The following CEP63 variants were observed in gnomAD, a reference collection of about 807,000 sequenced individuals.
CEP63 encodes centrosomal protein 63.
A neutral mutation model predicts 89.1 loss-of-function variants in CEP63; 84 were observed. The observed-to-expected ratio is 0.94, with a 90% CI of 0.79 to 1.13. The LOEUF (loss-of-function observed/expected upper bound fraction) is 1.13, where lower values mean the gene tolerates loss of function less well. Among genes scored for constraint, CEP63 ranks in the 50% most tolerant of loss-of-function variants. The pLI, the probability that CEP63 is intolerant of heterozygous loss-of-function variation, is 0.00. For synonymous variants in CEP63, 267 were observed against 272.5 expected (o/e 0.98, Z 0.20); for missense variants, 838 against 813.3 (o/e 1.03, Z -0.37).
chr3:134,502,533 C>T (rs1207635920), intron 2 of CEP63, among the ~76,000 whole-genome samples: 1 of 152,056 alleles, frequency 6.6e-6, no homozygotes, highest in African/African-American at 2.4e-5. Context: ...TCTCTTTCTC[C>T]CTGTTTCAAT....
the CEP63 span, among the ~76,000 whole-genome samples, chr3:134,763,810 G>A: frequency 6.6e-6 from 1 of 152,192 alleles, no homozygotes; most frequent in Non-Finnish European, 1.5e-5. Flanking sequence ...AGTTCTTAGT[G>A]ATTCAGTGAA....
intron 11 of CEP63, 117 bp from the exon 12 acceptor site, chr3:134,551,809 A>G (rs1954926979): frequency 1.8e-5 from 6 of 330,080 alleles, no homozygotes; most frequent in South Asian, 1.1e-4. Context: ...ATGTATATGT[A>G]TATATATATA....
chr3:134,591,908 A>AAATAT (rs1483386081), downstream of CEP63, among the ~76,000 whole-genome samples: 2 of 151,842 alleles, frequency 1.3e-5, no homozygotes, highest in Non-Finnish European at 2.9e-5. Context: ...AAATAAAATA[A>AAATAT]AACCAGACTG....
the CEP63 span, among the ~76,000 whole-genome samples, chr3:134,777,530 A>G: frequency 2.6e-5 from 4 of 152,024 alleles, no homozygotes; most frequent in Non-Finnish European, 4.4e-5. Flanking sequence ...AATTTGCTCA[A>G]TAACAATACA....
the CEP63 span, among the ~76,000 whole-genome samples, chr3:134,773,616 AT>A: frequency 6.6e-6 from 1 of 152,120 alleles, no homozygotes; most frequent in Non-Finnish European, 1.5e-5. Flanking sequence ...GACCACTGCC[AT>A]TTCTCCAACC....
intron 3 of CEP63, among the ~76,000 whole-genome samples, chr3:134,518,082 T>C (rs773998732): frequency 2.0e-5 from 3 of 152,206 alleles, no homozygotes; most frequent in Non-Finnish European, 4.4e-5. Flanking sequence ...TTAAAAATTA[T>C]GAATGGGTCA....
At chr3:134,672,611 G>A in the CEP63 span, among the ~76,000 whole-genome samples, 1 of 152,170 alleles carries the variant, frequency 6.6e-6, no homozygotes. Context: ...CCTCTTTCTT[G>A]AACACTCTCA....
intron 12 of CEP63, among the ~76,000 whole-genome samples, chr3:134,555,184 C>T (rs979704777): frequency 2.0e-5 from 3 of 151,664 alleles, no homozygotes; most frequent in African/African-American, 7.3e-5. Context: ...TGGGCAAAAA[C>T]TGGAAGCATT....
chr3:134,643,545 C>A, the CEP63 span, among the ~76,000 whole-genome samples: 17 of 152,304 alleles, frequency 1.1e-4, no homozygotes, highest in Non-Finnish European at 2.9e-5. Flanking sequence ...CAAACCAGCA[C>A]GACACTGTGC....
At chr3:134,650,960 T>G in the CEP63 span, 3 of 1,613,008 alleles carry the variant, frequency 1.9e-6, no homozygotes, top group Non-Finnish European at 2.5e-6. Context: ...TTCAGCTCCA[T>G]GATGCCGCCT....
the CEP63 span, among the ~76,000 whole-genome samples, chr3:134,755,179 C>G: frequency 2.6e-5 from 4 of 152,180 alleles, no homozygotes; most frequent in East Asian, 7.7e-4. Flanking sequence ...GATGGGAGCA[C>G]TTCAACATTC....
At chr3:134,579,084 C>T (rs1958286459), downstream of CEP63, among the ~76,000 whole-genome samples, 1 of 152,206 alleles carries the variant, frequency 6.6e-6, no homozygotes, top group South Asian at 2.1e-4. Context: ...GCAGAAACAA[C>T]TGCTATCCTG....
At chr3:134,619,066 A>T in the CEP63 span, 1 of 1,159,442 alleles carries the variant, frequency 8.6e-7, no homozygotes, top group South Asian at 1.2e-5. Flanking sequence ...CAGGCCTGGC[A>T]TGTGGGCAAA....
At chr3:134,602,321 G>A in the CEP63 span, among the ~76,000 whole-genome samples, 1 of 152,136 alleles carries the variant, frequency 6.6e-6, no homozygotes, top group Non-Finnish European at 1.5e-5. Flanking sequence ...AGGCGCTGCT[G>A]AGGGCCAGCT....
chr3:134,607,111 G>C, the CEP63 span: 3 of 985,246 alleles, frequency 3.0e-6, no homozygotes, highest in African/African-American at 5.2e-5. Context: ...CATCAGTTTG[G>C]TGTTGCTTTG....
chr3:134,738,312 C>T, the CEP63 span, among the ~76,000 whole-genome samples: 2 of 150,766 alleles, frequency 1.3e-5, no homozygotes, highest in Non-Finnish European at 2.9e-5. Context: ...ATCCATTTGT[C>T]GATTGATGGG....
chr3:134,566,209 C>T (rs1383695392), downstream of CEP63, among the ~76,000 whole-genome samples: 1 of 151,668 alleles, frequency 6.6e-6, no homozygotes, highest in Non-Finnish European at 1.5e-5. Flanking sequence ...AATTATTTGA[C>T]AATCATCCAG....
At chr3:134,668,410 C>T in the CEP63 span, among the ~76,000 whole-genome samples, 4 of 152,268 alleles carry the variant, frequency 2.6e-5, no homozygotes, top group Admixed American at 1.3e-4. Context: ...CTGTCTACCT[C>T]GGCCTGAAGA....
At chr3:134,677,534 TCCCTTTGACCTTGCTC>T in the CEP63 span, among the ~76,000 whole-genome samples, 1 of 152,232 alleles carries the variant, frequency 6.6e-6, no homozygotes, top group East Asian at 1.9e-4. Context: ...TCTCTGGGCT[TCCCTTTGACCTTGCTC>T]CTCAGCTTCC....
Sources: allele counts gnomAD v4.1 joint callset (sites outside exome capture counted in the v4.1 genomes callset), GRCh38; gene constraint gnomAD v4.1.1; transcripts MANE v1.5; gene names NCBI Gene and HGNC (gene_info 2026-07-23, HGNC 2026-07-21).